The following PDXDC1 variants were observed in gnomAD, a reference collection of about 807,000 sequenced individuals.
PDXDC1 encodes pyridoxal dependent decarboxylase domain containing 1, also known as pyridoxal-dependent decarboxylase domain-containing protein 1.
A neutral mutation model predicts 100.1 loss-of-function variants in PDXDC1; 42 were observed. That is an observed-to-expected ratio of 0.42 (90% confidence interval 0.33 to 0.54). The LOEUF (loss-of-function observed/expected upper bound fraction) is 0.54. Among genes scored for constraint, PDXDC1 ranks in the 20% least tolerant of loss-of-function variants. The probability of loss-of-function intolerance (pLI) is 0.10; values close to 1 mark genes in which losing one functional copy is unlikely to be tolerated. For synonymous variants in PDXDC1, 260 were observed against 371.7 expected, an observed-to-expected ratio of 0.70 and a Z score of 3.46; for missense variants, 636 against 979.2, an observed-to-expected ratio of 0.65 and a Z score of 4.68.
intron 12 of PDXDC1, among the ~76,000 whole-genome samples, chr16:15,022,203 C>A (rs1406317098): frequency 6.6e-6 from 1 of 152,300 alleles, no homozygotes; most frequent in Admixed American, 6.5e-5. Flanking sequence ...ATCCTCACAG[C>A]AATGTGAGAT....
intron 16 of PDXDC1, among the ~76,000 whole-genome samples, chr16:15,073,370 C>A (rs557856057): frequency 6.6e-6 from 1 of 152,262 alleles, no homozygotes; most frequent in African/African-American, 2.4e-5. Flanking sequence ...GGCGGATGAA[C>A]CGCTTGAGCC....
intron 12 of PDXDC1, among the ~76,000 whole-genome samples, chr16:15,019,616 T>C (rs1027660407): frequency 2.6e-5 from 4 of 152,258 alleles, no homozygotes; most frequent in African/African-American, 9.6e-5. Flanking sequence ...CCGTTCCTCA[T>C]AGATAGTGCC....
At chr16:15,101,037 T>G (rs2046526942) in intron 16 of PDXDC1, among the ~76,000 whole-genome samples, 1 of 152,198 alleles carries the variant, frequency 6.6e-6, no homozygotes, top group Non-Finnish European at 1.5e-5. Context: ...ACTCTATTAC[T>G]TTGGGCAATT....
intron 16 of PDXDC1, chr16:15,126,006 C>G (rs2047699251): frequency 1.0e-5 from 6 of 597,394 alleles, no homozygotes; most frequent in Non-Finnish European, 1.8e-5. Context: ...TGACAGCAGA[C>G]TGGTGCAGCT....
chr16:15,012,598 A>C (rs1396042796), intron 8 of PDXDC1, among the ~76,000 whole-genome samples: 3 of 152,292 alleles, frequency 2.0e-5, no homozygotes, highest in Non-Finnish European at 2.9e-5. Context: ...TAATCCCAAC[A>C]CTTGGGAAGG....
intron 16 of PDXDC1, among the ~76,000 whole-genome samples, chr16:15,090,425 G>C (rs1165590197): frequency 1.3e-5 from 2 of 152,136 alleles, no homozygotes; most frequent in Non-Finnish European, 2.9e-5. Flanking sequence ...TTGAATCCTT[G>C]TTAAGTATTT....
intron 16 of PDXDC1, chr16:15,094,187 G>T (rs1445388271): frequency 6.2e-7 from 1 of 1,601,508 alleles, no homozygotes; most frequent in African/African-American, 1.3e-5. Flanking sequence ...AGAGGACGAA[G>T]CGGCCGCATC....
intron 16 of PDXDC1, chr16:15,135,389 C>T (rs2048301097): frequency 2.1e-5 from 31 of 1,502,916 alleles, no homozygotes; most frequent in Non-Finnish European, 2.6e-5. Flanking sequence ...CGTGCTGCTC[C>T]CGCGGGGCCC....
chr16:15,022,716 C>A lies in PDXDC1; in HGVS notation c.1102C>A (p.Gln368Lys). 6.2e-7 allele frequency: 1 copy of A among 1,612,694 alleles called. No individual in the cohort carries two copies. Among genetic ancestry groups the A allele is most frequent in the East Asian group, 2.2e-5 (1 of 44,748 alleles). Residue 368 changes from glutamine (Q) to lysine (K), a missense_variant, in exon 13 of 23, where the codon CAG becomes AAG. Gln to Lys is a moderately conservative substitution (Grantham distance 53). This residue lies in a region of PDXDC1 where 125 missense variants were observed against 479.9 expected (regional missense o/e 0.26). Coordinates refer to ENST00000396410, the MANE Select transcript of PDXDC1 (RefSeq NM_015027.4). ...TTGTCATTTGCAGAGTCAACGGTTG[C>A]AGGAAAGTTTGAAGAAAGTGAATTA... is the stretch of plus-strand genomic sequence containing the variant. The part of the protein sequence containing the change: ...KHACQLSQRL[Q>K]ESLKKVNYIK...
At chr16:15,125,711 A>G (rs753805416) in intron 16 of PDXDC1, 2 of 1,387,792 alleles carry the variant, frequency 1.4e-6, no homozygotes, top group South Asian at 2.3e-5. Context: ...AGGCCTGAGA[A>G]CGTGAGGAAG....
Position 15,038,115 on chromosome 16 carries a change from G to C in PDXDC1, c.*1840G>C, listed in dbSNP as rs773036643. 1.4e-5 allele frequency: 22 copies of C among 1,612,046 alleles called. No homozygotes were observed. In the East Asian group the frequency reaches 4.7e-4, roughly 34 times the overall value. ...GGGCTTTATTTCCAGAAAACAGTGT[G>C]TGAGCTGGAGATGGGTGTTTTTTTA... On this transcript the variant is annotated 3_prime_UTR_variant, in exon 23 of 23. Transcript: ENST00000396410.
chr16:15,065,107 G>A (rs1319598590), intron 16 of PDXDC1: 45 of 1,086,104 alleles, frequency 4.1e-5, no homozygotes, highest in Middle Eastern at 2.2e-4. Flanking sequence ...CGGAGCTTGC[G>A]GTAAGCCGAG....
chr16:15,130,318 C>G (rs1438330354), intron 16 of PDXDC1: 11 of 1,545,528 alleles, frequency 7.1e-6, no homozygotes, highest in Non-Finnish European at 9.6e-6. Flanking sequence ...GGCAGCAGCC[C>G]CTCTGTCCGC....
intron 16 of PDXDC1, among the ~76,000 whole-genome samples, chr16:15,054,149 G>T (rs2044406135): frequency 6.6e-6 from 1 of 152,168 alleles, no homozygotes; most frequent in African/African-American, 2.4e-5. Flanking sequence ...CAGGCGGCTT[G>T]CCCAGCTGCG....
chr16:15,042,882 G>A (rs1207393932), downstream of PDXDC1, among the ~76,000 whole-genome samples: 14 of 146,772 alleles, frequency 9.5e-5, no homozygotes, highest in African/African-American at 3.3e-4. Context: ...ACAGGCGTGC[G>A]CCACCATGCC....
intron 3 of PDXDC1, among the ~76,000 whole-genome samples, chr16:15,000,481 G>A (rs1972906397): frequency 6.6e-6 from 1 of 152,296 alleles, no homozygotes; most frequent in Non-Finnish European, 1.5e-5. Context: ...GCAGCACCTT[G>A]GGGACAATTG....
chr16:15,144,407 C>G, the PDXDC1 span, among the ~76,000 whole-genome samples: 16 of 152,128 alleles, frequency 1.1e-4, no homozygotes, highest in Non-Finnish European at 2.1e-4. Context: ...AGTGCAGCCC[C>G]GGGCTGGGCA....
intron 16 of PDXDC1, chr16:15,074,624 C>T: frequency 1.2e-6 from 1 of 837,460 alleles, no homozygotes; most frequent in Non-Finnish European, 1.8e-6. Flanking sequence ...GATATTTTTA[C>T]AGGATTTTTA....
intron 16 of PDXDC1, chr16:15,127,628 G>A (rs1324272503): frequency 2.3e-6 from 3 of 1,304,886 alleles, no homozygotes; most frequent in Non-Finnish European, 3.2e-6. Flanking sequence ...ACACAGGTGA[G>A]GCTGAGGGGC....
Sources: gnomAD v4.1 joint callset for allele counts (sites outside exome capture counted in the v4.1 genomes callset) on GRCh38, gnomAD v4.1.1 for gene constraint, gnomAD v4.1.1 regional missense constraint, MANE v1.5 for transcripts, NCBI Gene and HGNC (gene_info 2026-07-23, HGNC 2026-07-21) for gene names.